Variants in SMAP1 observed in about 807,000 individuals in gnomAD.
The protein encoded by SMAP1 is small ArfGAP 1, also known as stromal membrane-associated protein 1.
In SMAP1, 24 loss-of-function variants were observed where a neutral mutation model predicts 58.5. That is an observed-to-expected ratio of 0.41 (90% CI 0.30 to 0.58). The LOEUF (loss-of-function observed/expected upper bound fraction) is 0.58, where lower values mean the gene tolerates loss of function less well. SMAP1 is among the 20% of genes least tolerant of loss of function. SMAP1 has a pLI of 0.29. For synonymous variants in SMAP1, 216 were observed against 196.6 expected, an observed-to-expected ratio of 1.10 and a Z score of -0.82; for missense variants, 563 against 566.3, an observed-to-expected ratio of 0.99 and a Z score of 0.06.
intron 1 of SMAP1, among the ~76,000 whole-genome samples, chr6:70,713,169 TTC>T (rs1768128479): frequency 1.3e-5 from 2 of 152,202 alleles, no homozygotes; most frequent in African/African-American, 4.8e-5. Flanking sequence ...TTCTCTCTCT[TTC>T]TCTTAGACTA....
Position 70,716,312 on chromosome 6 carries a change from A to G in SMAP1, c.119-16066A>G, listed in dbSNP as rs376761251. Among the ~76,000 whole-genome samples, 22 of 152,326 alleles carry G rather than the reference A, an allele frequency of 1.4e-4. No individual in the cohort carries two copies. In the East Asian group the frequency reaches 2.3e-3, roughly 16 times the overall value. ...GGGGTGATGGGAGACAGTGACAGGC[A>G]TTAGATTCTCATAAGGAGCATGTGC... On this transcript the variant is annotated intron_variant, in intron 1 of 10. Transcript: ENST00000370455.
At chr6:70,719,519 T>TC (rs1218103206) in intron 1 of SMAP1, among the ~76,000 whole-genome samples, 1 of 152,074 alleles carries the variant, frequency 6.6e-6, no homozygotes, top group Non-Finnish European at 1.5e-5. Flanking sequence ...CACACCCATT[T>TC]CCCCCCTGAA....
chr6:70,779,814 C>T (rs893601836), intron 4 of SMAP1, among the ~76,000 whole-genome samples: 1 of 152,178 alleles, frequency 6.6e-6, no homozygotes, highest in Non-Finnish European at 1.5e-5. Context: ...GCGTGATGAT[C>T]TGAGGTGGAG....
chr6:70,774,960 A>T (rs1467211107), intron 4 of SMAP1, among the ~76,000 whole-genome samples: 1 of 151,710 alleles, frequency 6.6e-6, no homozygotes, highest in Non-Finnish European at 1.5e-5. Context: ...CAGTGAGCTG[A>T]GATTGAGCCA....
Position 70,679,728 on chromosome 6 carries a change from C to T in SMAP1, c.118+11587C>T, listed in dbSNP as rs546180845. Among the ~76,000 whole-genome samples the T allele has an allele frequency of 2.6e-5, 4 of 151,894 alleles. No homozygotes were observed. In the South Asian group the frequency reaches 6.3e-4, roughly 24 times the overall value. On this transcript the variant is annotated intron_variant, in intron 1 of 10. Coordinates refer to ENST00000370455, the MANE Select transcript of SMAP1 (RefSeq NM_001044305.3). ...CTGAGAGAAATTAATGAATACTGTACCTAAAGAAGTGGAGAGAGGTATCAG... is the reference window on the plus strand; with the variant it reads ...CTGAGAGAAATTAATGAATACTGTATCTAAAGAAGTGGAGAGAGGTATCAG...
chr6:70,800,217 A>G (rs1768784754), intron 6 of SMAP1, among the ~76,000 whole-genome samples: 2 of 152,008 alleles, frequency 1.3e-5, no homozygotes, highest in Admixed American at 1.3e-4. Flanking sequence ...CAGGAGTTTG[A>G]GGCTGCAGTG....
At chr6:70,704,119 C>G (rs1236819330) in intron 1 of SMAP1, among the ~76,000 whole-genome samples, 1 of 152,190 alleles carries the variant, frequency 6.6e-6, no homozygotes, top group Non-Finnish European at 1.5e-5. Flanking sequence ...TACTTTTAAA[C>G]CCCTTGTTTC....
chr6:70,733,162 A>G (rs183180642), intron 2 of SMAP1, among the ~76,000 whole-genome samples: 1 of 152,316 alleles, frequency 6.6e-6, no homozygotes, highest in African/African-American at 2.4e-5. Context: ...TACACCACTT[A>G]TTTATGCCCT....
chr6:70,846,075 A>G (rs1480625953), intron 7 of SMAP1, among the ~76,000 whole-genome samples: 1 of 152,194 alleles, frequency 6.6e-6, no homozygotes. Context: ...ACTCTAAGAG[A>G]GGCGATTTTA....
At position 70,724,140 on chromosome 6, in the gene SMAP1, G is replaced by GT. The variant is rs202217636; in HGVS notation, c.119-8228dup. ...GTTTGTACTTGCTGGGGTATTTAAGGTTTTTTTTTTGTTGTTGTTGTTGTT... is the reference window on the plus strand; with the variant it reads ...GTTTGTACTTGCTGGGGTATTTAAGGTTTTTTTTTTTGTTGTTGTTGTTGTT... On this transcript the variant is annotated intron_variant, in intron 1 of 10. Transcript: ENST00000370455. 2.8e-3 allele frequency among the ~76,000 whole-genome samples: 400 copies of GT among 141,496 alleles called. 3 individuals are homozygous for GT. The highest frequency in any genetic ancestry group is 0.021 in the South Asian group (91 of 4,390). The allele number at this position is 141,496 out of a possible 152,430, so 92.8% of individuals were successfully genotyped here. A position where few individuals can be genotyped will look rare whatever the true frequency, so the allele number is the denominator to read the frequency against.
At chr6:70,694,012 A>G (rs1351497166) in intron 1 of SMAP1, 1 of 160,664 alleles carries the variant, frequency 6.2e-6, no homozygotes, top group African/African-American at 2.4e-5. Context: ...TTTTTAACAG[A>G]TGTGGTTTGT....
intron 6 of SMAP1, among the ~76,000 whole-genome samples, chr6:70,815,197 A>AT (rs1268829338): frequency 7.9e-5 from 12 of 152,258 alleles, no homozygotes; most frequent in African/African-American, 2.9e-4. Context: ...TGTCCCAAGG[A>AT]TTTTTTGTAA....
rs375124345 is a variant in SMAP1 at position 70,763,795 on chromosome 6, A to G, written c.338+8730A>G. Among the ~76,000 whole-genome samples the G allele has an allele frequency of 2.2e-4, 34 of 152,368 alleles. 1 individual carries two copies. In the East Asian group the frequency reaches 4.0e-3, roughly 18 times the overall value. On this transcript the variant is annotated intron_variant, in intron 3 of 10. Coordinates refer to ENST00000370455, the MANE Select transcript of SMAP1 (RefSeq NM_001044305.3). ...TTCAAACCAGCCACAACATTTCCTTAAGCCAAAGCCTAATCCTTAACAAAG... is the reference window on the plus strand; with the variant it reads ...TTCAAACCAGCCACAACATTTCCTTGAGCCAAAGCCTAATCCTTAACAAAG...
At chr6:70,723,372 T>C (rs761831140) in intron 1 of SMAP1, among the ~76,000 whole-genome samples, 1 of 152,220 alleles carries the variant, frequency 6.6e-6, no homozygotes, top group Non-Finnish European at 1.5e-5. Flanking sequence ...AGAAGCCATA[T>C]TGTTCTTCAA....
chr6:70,793,093 G>A (rs1188403914), intron 5 of SMAP1, among the ~76,000 whole-genome samples: 2 of 152,176 alleles, frequency 1.3e-5, no homozygotes, highest in Non-Finnish European at 2.9e-5. Flanking sequence ...GGACTGCAGT[G>A]GCGCGATCTC....
chr6:70,830,625 A>G (rs1770319789), intron 6 of SMAP1, among the ~76,000 whole-genome samples: 1 of 152,202 alleles, frequency 6.6e-6, no homozygotes. Context: ...ATTGATAAAA[A>G]TGACTTCTTA....
At chr6:70,713,911 TTGGG>T (rs1768159331) in intron 1 of SMAP1, among the ~76,000 whole-genome samples, 1 of 152,212 alleles carries the variant, frequency 6.6e-6, no homozygotes, top group African/African-American at 2.4e-5. Context: ...CTTTATATAC[TTGGG>T]TGCTCTGATG....
Position 70,839,820 on chromosome 6 carries a change from C to CT in SMAP1, c.664+2801dup, listed in dbSNP as rs979766053. ...TAAACTCTTAAAAAATATTTTCAGA[C>CT]TTTTTTTTTAAAAAAGCTATGTTTC... On this transcript the variant is annotated intron_variant, in intron 7 of 10. Coordinates refer to ENST00000370455, the MANE Select transcript of SMAP1 (RefSeq NM_001044305.3). 2.0e-3 allele frequency among the ~76,000 whole-genome samples: 302 copies of CT among 151,604 alleles called. 1 individual carries two copies. Among genetic ancestry groups the CT allele is most frequent in the African/African-American group, 6.7e-3 (276 of 41,368 alleles).
chr6:70,819,815 A>C (rs78738136), intron 6 of SMAP1, among the ~76,000 whole-genome samples: 7,251 of 152,316 alleles, frequency 0.048, 531 homozygotes, highest in African/African-American at 0.16. Context: ...TAAGAAGAAG[A>C]GTACATTCTT....
Sources: allele counts gnomAD v4.1 joint callset (sites outside exome capture counted in the v4.1 genomes callset), GRCh38; gene constraint gnomAD v4.1.1; transcripts MANE v1.5; gene names NCBI Gene and HGNC (gene_info 2026-07-23, HGNC 2026-07-21).